The following FOXP2 variants were observed in gnomAD, a reference collection of about 807,000 sequenced individuals.
FOXP2 encodes the protein forkhead box P2.
A neutral mutation model predicts 115.8 loss-of-function variants in FOXP2; 12 were observed. That is an observed-to-expected ratio of 0.10 (90% CI 0.07 to 0.17). FOXP2 has a LOEUF of 0.17. FOXP2 is among the 10% of genes least tolerant of loss of function. FOXP2 has a pLI of 1.00. For synonymous variants in FOXP2, 328 were observed against 297.7 expected (o/e 1.10, Z -1.05); for missense variants, 629 against 843.5 (o/e 0.75, Z 3.15).
chr7:114,409,944 C>G (rs1793124542), upstream of FOXP2, among the ~76,000 whole-genome samples: 2 of 152,086 alleles, frequency 1.3e-5, no homozygotes, highest in African/African-American at 4.8e-5. Context: ...ACTGACTAAG[C>G]TCCAATCTAT....
intron 1 of FOXP2, among the ~76,000 whole-genome samples, chr7:114,095,713 A>G (rs894846648): frequency 6.6e-6 from 1 of 152,220 alleles, no homozygotes; most frequent in Non-Finnish European, 1.5e-5. Context: ...TCATTTATAT[A>G]TTTAGCTGTT....
intron 1 of FOXP2, among the ~76,000 whole-genome samples, chr7:114,190,064 C>T (rs1475391358): frequency 1.3e-5 from 2 of 152,176 alleles, no homozygotes; most frequent in Admixed American, 1.3e-4. Context: ...ACCCAGACAT[C>T]ACAAGGAAAA....
chr7:114,192,178 GGTTT>G (rs1793778896), intron 1 of FOXP2, among the ~76,000 whole-genome samples: 1 of 152,100 alleles, frequency 6.6e-6, no homozygotes, highest in Non-Finnish European at 1.5e-5. Flanking sequence ...GTAGAGACGG[GGTTT>G]CACCATGTTG....
At chr7:114,297,080 C>A in intron 2 of FOXP2, 1 of 410,596 alleles carries the variant, frequency 2.4e-6, no homozygotes, top group South Asian at 2.0e-5. Flanking sequence ...TCAAGCTGCC[C>A]TTTATTTCAG....
intron 2 of FOXP2, among the ~76,000 whole-genome samples, chr7:114,509,102 T>C (rs962773555): frequency 6.6e-6 from 1 of 152,054 alleles, no homozygotes; most frequent in Non-Finnish European, 1.5e-5. Context: ...TTAGCAAGGA[T>C]ACCAGTGTGT....
At chr7:114,650,938 A>G (rs1806214143) in intron 8 of FOXP2, among the ~76,000 whole-genome samples, 1 of 152,016 alleles carries the variant, frequency 6.6e-6, no homozygotes, top group Non-Finnish European at 1.5e-5. Flanking sequence ...TGATTGTTGA[A>G]CCTAGGTATA....
In FOXP2 at chr7:114,631,661, T is replaced by A; in HGVS notation, c.731T>A (p.Ile244Asn). ...CTTCAGCGTCAGGGACTCATCTCCA[T>A]TCCACCTGGCCAGGCAGCACTTCCT... ...LSLQRQGLIS[I>N]PPGQAALPVQ... is the part of the protein sequence containing the mutation. Residue 244 changes from isoleucine (I) to asparagine (N), a missense_variant, in exon 6 of 17, where the codon ATT (isoleucine) becomes AAT (asparagine). By Grantham distance (149) the Ile-to-Asn change is moderately radical. Coordinates refer to ENST00000350908, the MANE Select transcript of FOXP2 (RefSeq NM_014491.4). 1 of 1,614,118 alleles carries A rather than the reference T, an allele frequency of 6.2e-7. No individual in the cohort carries two copies. The highest frequency in any genetic ancestry group is 8.5e-7 in the Non-Finnish European group (1 of 1,180,028).
chr7:114,680,197 G>A (rs1009659566), intron 16 of FOXP2, among the ~76,000 whole-genome samples: 1 of 152,152 alleles, frequency 6.6e-6, no homozygotes, highest in African/African-American at 2.4e-5. Context: ...ATTAGGAGCT[G>A]GCTATGCCTT....
intron 1 of FOXP2, among the ~76,000 whole-genome samples, chr7:114,232,433 T>C (rs1014474079): frequency 2.0e-5 from 3 of 152,216 alleles, no homozygotes; most frequent in African/African-American, 4.8e-5. Flanking sequence ...TGTAACATTA[T>C]TCACAATAAT....
chr7:114,496,287 T>C (rs1264566404), intron 2 of FOXP2, among the ~76,000 whole-genome samples: 4 of 152,140 alleles, frequency 2.6e-5, no homozygotes, highest in Admixed American at 1.3e-4. Context: ...ACTAACATAA[T>C]ACTATGCTTC....
intron 3 of FOXP2, among the ~76,000 whole-genome samples, chr7:114,551,791 T>C (rs1342643500): frequency 6.6e-6 from 1 of 152,204 alleles, no homozygotes; most frequent in African/African-American, 2.4e-5. Context: ...TTTTCTTCAT[T>C]ACTGAGACTA....
intron 1 of FOXP2, among the ~76,000 whole-genome samples, chr7:114,145,223 A>C (rs1367603112): frequency 6.6e-6 from 1 of 152,204 alleles, no homozygotes; most frequent in African/African-American, 2.4e-5. Flanking sequence ...CTGTTTTATA[A>C]ACTGAAGTTT....
chr7:114,304,837 G>T (rs78413565), intron 2 of FOXP2, among the ~76,000 whole-genome samples: 2,036 of 151,954 alleles, frequency 0.013, 36 homozygotes, highest in African/African-American at 0.038. Context: ...CCACAAAAAT[G>T]GTTTGAAATG....
At chr7:114,435,501 C>T (rs1251130413) in intron 2 of FOXP2, among the ~76,000 whole-genome samples, 2 of 151,984 alleles carry the variant, frequency 1.3e-5, no homozygotes, top group Non-Finnish European at 2.9e-5. Flanking sequence ...AGATATAGAT[C>T]CTGGAGGATC....
Position 114,324,780 on chromosome 7 carries a change from C to G in FOXP2, c.-11+36671C>G, listed in dbSNP as rs60560660. On this transcript the variant is annotated intron_variant, in intron 2 of 17. Transcript: ENST00000634411. ...ACGTATTACATTTTTAAAAATTGCCCCTTTGCTGTTTATCAGTGCTAGTAC... is the reference window on the plus strand; with the variant it reads ...ACGTATTACATTTTTAAAAATTGCCGCTTTGCTGTTTATCAGTGCTAGTAC... Among the ~76,000 whole-genome samples the G allele has an allele frequency of 5.6e-3, 845 of 151,808 alleles. 4 individuals are homozygous for G. The highest frequency in any genetic ancestry group is 0.019 in the African/African-American group (795 of 41,464).
chr7:114,367,588 C>T (rs1791911265), intron 2 of FOXP2, among the ~76,000 whole-genome samples: 2 of 152,088 alleles, frequency 1.3e-5, no homozygotes, highest in East Asian at 3.9e-4. Flanking sequence ...AAAATTAGTG[C>T]TTTGGAATAC....
At chr7:114,465,303 A>G (rs1271734444) in intron 2 of FOXP2, among the ~76,000 whole-genome samples, 2 of 152,138 alleles carry the variant, frequency 1.3e-5, no homozygotes, top group Admixed American at 6.5e-5. Flanking sequence ...CAACTATTTT[A>G]TGAAAGAGAA....
chr7:114,311,501 A>G (rs1481745832), intron 2 of FOXP2, among the ~76,000 whole-genome samples: 1 of 152,132 alleles, frequency 6.6e-6, no homozygotes, highest in Non-Finnish European at 1.5e-5. Context: ...TAGAAGCCAC[A>G]AGATTACATT....
intron 1 of FOXP2, among the ~76,000 whole-genome samples, chr7:114,194,734 A>G (rs1793857834): frequency 6.6e-6 from 1 of 152,056 alleles, no homozygotes. Flanking sequence ...TTTTGCTAAT[A>G]TGTTAATTCT....
Sources: gnomAD v4.1 joint callset for allele counts (sites outside exome capture counted in the v4.1 genomes callset) on GRCh38, gnomAD v4.1.1 for gene constraint, MANE v1.5 for transcripts, NCBI Gene and HGNC (gene_info 2026-07-23, HGNC 2026-07-21) for gene names.